The following GAS2 variants were observed in gnomAD, a reference collection of about 807,000 sequenced individuals.
GAS2 encodes the protein growth arrest specific 2, also known as growth arrest-specific protein 2.
A neutral mutation model predicts 37.5 loss-of-function variants in GAS2; 20 were observed. The ratio of observed to expected loss-of-function variants is 0.53; its 90% confidence interval spans 0.37 to 0.77. GAS2 has a LOEUF of 0.77. Ranked by LOEUF, GAS2 falls within the 30% of genes least tolerant of loss-of-function variation. The pLI is 0.00. For missense variants in GAS2, 336 were observed against 373.4 expected (o/e 0.90, Z 0.82); for synonymous variants, 144 against 132.2 (o/e 1.09, Z -0.61).
chr11:22,798,902 G>A (rs1856544077), intron 7 of GAS2, among the ~76,000 whole-genome samples: 1 of 152,020 alleles, frequency 6.6e-6, no homozygotes, highest in Non-Finnish European at 1.5e-5. Context: ...ACCCAATTTT[G>A]AGCATATGCC....
intron 3 of GAS2, among the ~76,000 whole-genome samples, chr11:22,694,999 G>A (rs375301808): frequency 1.3e-5 from 2 of 152,170 alleles, no homozygotes; most frequent in East Asian, 3.9e-4. Flanking sequence ...TTGACGCCTG[G>A]TAGAGGTTGT....
In GAS2 at chr11:22,811,974, G is replaced by A. The variant is rs759214050; in HGVS notation, c.900G>A (p.Leu300=). ...AGGACATGAATCCAGATAACTACTT[G>A]GTGGTCTCTGCCAGTTATAAGGCTA... The part of the protein sequence containing the change: ...TLKDMNPDNY[L]VVSASYKAKK... Residue 300 remains leucine, a synonymous_variant, in exon 8 of 8, where the codon TTG becomes TTA. Transcript: ENST00000454584. 1.2e-6 allele frequency: 2 copies of A among 1,614,052 alleles called. No individual in the cohort carries two copies. The highest frequency in any genetic ancestry group is 1.1e-5 in the South Asian group (1 of 91,080).
At chr11:22,761,191 C>G (rs1201415127) in intron 7 of GAS2, among the ~76,000 whole-genome samples, 9 of 152,098 alleles carry the variant, frequency 5.9e-5, no homozygotes. Context: ...TATCAGTGAT[C>G]TACGTACTCA....
chr11:22,666,934 C>G (rs767533345), intron 1 of GAS2, 35 bp downstream of exon 1: 1 of 152,266 alleles, frequency 6.6e-6, no homozygotes, highest in Non-Finnish European at 1.5e-5. Context: ...TCTGCGCCAA[C>G]GCCGCCGCAG....
intron 3 of GAS2, among the ~76,000 whole-genome samples, chr11:22,688,964 AAC>A (rs1850103001): frequency 6.6e-6 from 1 of 152,184 alleles, no homozygotes; most frequent in Non-Finnish European, 1.5e-5. Context: ...AGCCATAAGA[AAC>A]CAAAATCATG....
At chr11:22,719,901 A>G (rs337440) in intron 3 of GAS2, among the ~76,000 whole-genome samples, 133,798 of 152,062 alleles carry the variant, frequency 0.88, 61,162 homozygotes, top group East Asian at 1. Context: ...CAGAACTGCT[A>G]TAAGCATCCA....
intron 7 of GAS2, among the ~76,000 whole-genome samples, chr11:22,779,575 G>GAC (rs1462468382): frequency 1.3e-5 from 2 of 152,126 alleles, no homozygotes; most frequent in Non-Finnish European, 2.9e-5. Flanking sequence ...GCATGCACCT[G>GAC]TAATCCCAGC....
chr11:22,658,295 T>C (rs1181927372), intron 1 of GAS2, among the ~76,000 whole-genome samples: 2 of 152,130 alleles, frequency 1.3e-5, no homozygotes, highest in Admixed American at 6.5e-5. Flanking sequence ...TCCCAAAGTG[T>C]TGGGATTACA....
upstream of GAS2, among the ~76,000 whole-genome samples, chr11:22,664,653 G>GAAC (rs1231347702): frequency 6.6e-6 from 1 of 152,056 alleles, no homozygotes; most frequent in Non-Finnish European, 1.5e-5. Flanking sequence ...TTCCTAAGGT[G>GAAC]AACAGTTTGG....
chr11:22,798,120 C>G (rs1856513602), intron 7 of GAS2, among the ~76,000 whole-genome samples: 2 of 152,140 alleles, frequency 1.3e-5, no homozygotes, highest in African/African-American at 2.4e-5. Context: ...CCTTGTCGAG[C>G]CACTGTTTTC....
chr11:22,752,026 A>C (rs1565126562), intron 6 of GAS2, among the ~76,000 whole-genome samples: 1 of 152,044 alleles, frequency 6.6e-6, no homozygotes, highest in Non-Finnish European at 1.5e-5. Context: ...GAAATATACA[A>C]TGTGGATATT....
At chr11:22,688,753 T>C (rs754901034) in intron 3 of GAS2, among the ~76,000 whole-genome samples, 11 of 152,186 alleles carry the variant, frequency 7.2e-5, no homozygotes, top group Non-Finnish European at 1.3e-4. Flanking sequence ...TGATAAAGGT[T>C]TTAGTATAAA....
chr11:22,626,828 T>A (rs1445693369), intron 1 of GAS2: 1 of 152,262 alleles, frequency 6.6e-6, no homozygotes, highest in Non-Finnish European at 1.5e-5. Flanking sequence ...GAGTCATTTT[T>A]CATTTATTAA....
At chr11:22,782,267 A>T (rs1191589112) in intron 7 of GAS2, among the ~76,000 whole-genome samples, 1 of 152,180 alleles carries the variant, frequency 6.6e-6, no homozygotes, top group African/African-American at 2.4e-5. Flanking sequence ...CCTCTTAATG[A>T]TGGAGAGTTA....
intron 7 of GAS2, among the ~76,000 whole-genome samples, chr11:22,806,073 C>T (rs1048294430): frequency 1.3e-5 from 2 of 152,226 alleles, no homozygotes; most frequent in Admixed American, 1.3e-4. Flanking sequence ...ATATCTCATT[C>T]TATGACTTAG....
chr11:22,634,755 G>A (rs1446501596), intron 1 of GAS2, among the ~76,000 whole-genome samples: 1 of 152,306 alleles, frequency 6.6e-6, no homozygotes, highest in South Asian at 2.1e-4. Context: ...TCTCACAGTA[G>A]TGGGTACCAG....
At chr11:22,726,142 C>A in intron 3 of GAS2, 150 bp from the exon 4 acceptor site, 1 of 686,956 alleles carries the variant, frequency 1.5e-6, no homozygotes, top group East Asian at 2.8e-5. Context: ...AGGTTAATTG[C>A]ATAGCATTAT....
At chr11:22,769,117 G>A (rs1429662537) in intron 7 of GAS2, among the ~76,000 whole-genome samples, 2 of 152,206 alleles carry the variant, frequency 1.3e-5, no homozygotes, top group African/African-American at 4.8e-5. Context: ...CACATTGCCT[G>A]TCCACCTGGT....
At chr11:22,664,040 G>T (rs1848947399), upstream of GAS2, among the ~76,000 whole-genome samples, 1 of 152,038 alleles carries the variant, frequency 6.6e-6, no homozygotes, top group South Asian at 2.1e-4. Context: ...TCTTCATACT[G>T]CTTTCTGTAT....
Sources: gnomAD v4.1 joint callset for allele counts (sites outside exome capture counted in the v4.1 genomes callset) on GRCh38, gnomAD v4.1.1 for gene constraint, MANE v1.5 for transcripts, NCBI Gene and HGNC (gene_info 2026-07-23, HGNC 2026-07-21) for gene names.